The following PAXBP1 variants were observed in gnomAD, a reference collection of about 807,000 sequenced individuals.
The protein encoded by PAXBP1 is PAX3 and PAX7 binding protein 1, also known as PAX3- and PAX7-binding protein 1.
In PAXBP1, 44 loss-of-function variants were observed where a neutral mutation model predicts 119.9. The ratio of observed to expected loss-of-function variants is 0.37; its 90% CI spans 0.29 to 0.47. The LOEUF (loss-of-function observed/expected upper bound fraction) is 0.47. Among genes scored for constraint, PAXBP1 ranks in the 20% least tolerant of loss-of-function variants. The probability of loss-of-function intolerance (pLI) is 0.99; values close to 1 mark genes in which losing one functional copy is unlikely to be tolerated. For synonymous variants in PAXBP1, 393 were observed against 406.6 expected (o/e 0.97, Z 0.40); for missense variants, 898 against 1,134.1 (o/e 0.79, Z 2.99).
At chr21:32,763,508 A>G (rs1415478392) in intron 3 of PAXBP1, among the ~76,000 whole-genome samples, 2 of 152,232 alleles carry the variant, frequency 1.3e-5, no homozygotes, top group Non-Finnish European at 2.9e-5. Flanking sequence ...AGAATTTACT[A>G]CAACTTTCTC....
chr21:32,760,464 ATTAC>A (rs1569164852), intron 5 of PAXBP1, among the ~76,000 whole-genome samples: 2 of 152,212 alleles, frequency 1.3e-5, no homozygotes, highest in African/African-American at 4.8e-5. Flanking sequence ...TTCTCACTGT[ATTAC>A]TTACTTTTAT....
intron 1 of PAXBP1, among the ~76,000 whole-genome samples, chr21:32,770,434 C>T (rs1007816514): frequency 2.0e-5 from 3 of 152,220 alleles, no homozygotes; most frequent in East Asian, 1.9e-4. Flanking sequence ...AAAAAAATAG[C>T]TCATGTATCT....
chr21:32,735,442 G>A lies in PAXBP1; in HGVS notation c.2637-375C>T, dbSNP rs142505294. Among the ~76,000 whole-genome samples the A allele has an allele frequency of 6.8e-4, 103 of 152,228 alleles. No individual in the cohort carries two copies. In the East Asian group the frequency reaches 0.013, roughly 19 times the overall value. The stretch of plus-strand genomic sequence containing the variant: ...AAACCAGAGTCCTGGCTGTTTTAGC[G>A]TATACCTGGAACACAAATCGTTATT... On this transcript the variant is annotated intron_variant, in intron 17 of 17. Transcript: ENST00000331923.
intron 15 of PAXBP1, among the ~76,000 whole-genome samples, chr21:32,739,454 G>A (rs539270642): frequency 2.6e-5 from 4 of 152,232 alleles, no homozygotes; most frequent in South Asian, 2.1e-4. Flanking sequence ...TAAAAGGTGC[G>A]GGACAGTGCT....
chr21:32,747,947 ATT>A (rs757138549), intron 11 of PAXBP1, among the ~76,000 whole-genome samples: 29 of 140,192 alleles, frequency 2.1e-4, no homozygotes, highest in East Asian at 2.0e-4. Context: ...ACCACAGCTA[ATT>A]TTTTTTTTTT....
rs759262843 is a variant in PAXBP1, at chr21:32,771,317, G to A, written c.343+9C>T. 2.5e-6 allele frequency: 4 copies of A among 1,576,128 alleles called. No homozygotes were observed. Among genetic ancestry groups the A allele is most frequent in the Admixed American group, 1.7e-5 (1 of 58,504 alleles). On this transcript the variant is annotated intron_variant, in intron 1 of 17. Coordinates refer to ENST00000331923, the MANE Select transcript of PAXBP1 (RefSeq NM_016631.4). ...GGCCGTCTAAGGGCGTCCGAAGCGC[G>A]CACTTTACCTTCCTCCTCGTCCTGG...
In PAXBP1 at chr21:32,737,330, G is replaced by A; in HGVS notation, c.2560C>T (p.Arg854Ter). The change falls in exon 17 of 18, where the codon CGA becomes TGA. Residue 854 changes from arginine (R) to a stop codon, truncating the protein, a stop_gained. Coordinates refer to ENST00000331923, the MANE Select transcript of PAXBP1 (RefSeq NM_016631.4). LOFTEE classifies it high-confidence loss of function. ...GTATCCGCTAAGTGTACAAGGTATC[G>A]GCAAAAGTTTTCTAACTGAGAAATA... Reference protein sequence around the residue: ...RTISQLENFCRYLVHLADTIY... With the variant: ...RTISQLENFC 2 of 1,608,594 alleles carry A rather than the reference G, an allele frequency of 1.2e-6. No individual in the cohort carries two copies. The highest frequency in any genetic ancestry group is 1.1e-5 in the South Asian group (1 of 90,428).
intron 15 of PAXBP1, 43 bp from the exon 16 acceptor site, chr21:32,738,362 T>A: frequency 6.7e-7 from 1 of 1,500,592 alleles, no homozygotes. Flanking sequence ...ACAATTAGAT[T>A]AGGTACAAAG....
chr21:32,769,754 A>T, intron 2 of PAXBP1, 60 bp downstream of exon 2: 3 of 1,560,402 alleles, frequency 1.9e-6, no homozygotes, highest in Non-Finnish European at 2.6e-6. Context: ...ACAGCAAATC[A>T]CTGTGAGAAA....
Position 32,769,803 on chromosome 21 carries a change from T to C in PAXBP1, c.472+11A>G, listed in dbSNP as rs200267959. On this transcript the variant is annotated intron_variant, in intron 2 of 17. Coordinates refer to ENST00000331923, the MANE Select transcript of PAXBP1 (RefSeq NM_016631.4). ...GTCATTTCAAAAGAATTCAATTAGT[T>C]TGGTACTTACTTTCAGCTGATGAGT... 9 of 1,600,318 alleles carry C rather than the reference T, an allele frequency of 5.6e-6. No individual in the cohort carries two copies. Among genetic ancestry groups the C allele is most frequent in the Non-Finnish European group, 7.6e-6 (9 of 1,176,702 alleles).
In PAXBP1 at chr21:32,755,431, A is replaced by G. The variant is rs2044028806; in HGVS notation, c.1384-78T>C. 22 of 1,559,076 alleles carry G rather than the reference A, an allele frequency of 1.4e-5. No individual in the cohort carries two copies. In the East Asian group the frequency reaches 5.1e-4, roughly 36 times the overall value. ...TTTGAGGGTTCCATACTATTTCCGG[A>G]TTTCTGAAAAAGTACCCTCTCTATG... On this transcript the variant is annotated intron_variant, in intron 7 of 17. Coordinates refer to ENST00000331923, the MANE Select transcript of PAXBP1 (RefSeq NM_016631.4).
chr21:32,737,310 C>T lies in PAXBP1; in HGVS notation c.2580G>A (p.Ala860=), dbSNP rs751976064. 287 of 1,599,624 alleles carry T rather than the reference C, an allele frequency of 1.8e-4. 1 individual carries two copies. Among genetic ancestry groups the T allele is most frequent in the Non-Finnish European group, 2.3e-4 (273 of 1,172,542 alleles). The change falls in exon 17 of 18, where the codon GCG becomes GCA. Residue 860 remains alanine, a synonymous_variant. Transcript: ENST00000331923. The part of the protein sequence containing the change: ...ENFCRYLVHL[A]DTIYRNSIGC... Reference sequence around the variant, plus strand: ...CGATACTATTTCTATAAATTGTATCCGCTAAGTGTACAAGGTATCGGCAAA... The same window carrying T: ...CGATACTATTTCTATAAATTGTATCTGCTAAGTGTACAAGGTATCGGCAAA...
rs758373861 is a variant in PAXBP1, at chr21:32,771,559, C to T, written c.110G>A (p.Gly37Asp). Reference sequence around the variant, plus strand: ...ACCGGGGCCCGCCTCTTCGCCCGTGCCCGGCGGCGGCAACAACGGCGGCGG... The same window carrying T: ...ACCGGGGCCCGCCTCTTCGCCCGTGTCCGGCGGCGGCAACAACGGCGGCGG... ...QEPPPLLPPP[G>D]TGEEAGPGGG... Residue 37 changes from glycine to aspartate, a missense_variant, in exon 1 of 18, where the codon GGC becomes GAC. Gly to Asp is a moderately conservative substitution (Grantham distance 94). Around this residue, in one of 2 missense-constraint regions of PAXBP1, gnomAD observed 299 missense variants for 281.4 expected, o/e 1.06. Coordinates refer to ENST00000331923, the MANE Select transcript of PAXBP1 (RefSeq NM_016631.4). The T allele has an allele frequency of 1.7e-5, 24 of 1,420,938 alleles. No homozygotes were observed. The East Asian group carries it at 3.6e-4, about 22-fold the overall frequency. The allele number at this position is 1,420,938 out of a possible 1,614,324, so 88.0% of individuals were successfully genotyped here.
At chr21:32,757,912 G>A (rs1285047141) in intron 7 of PAXBP1, among the ~76,000 whole-genome samples, 1 of 152,152 alleles carries the variant, frequency 6.6e-6, no homozygotes, top group Non-Finnish European at 1.5e-5. Flanking sequence ...ATACAGACAA[G>A]CCTATACTTC....
rs144304571 is a variant in PAXBP1, at chr21:32,764,401, T to G, written c.596A>C (p.Lys199Thr). 2.7e-5 allele frequency: 43 copies of G among 1,613,762 alleles called. No individual in the cohort carries two copies. The African/African-American group carries it at 5.5e-4, about 21-fold the overall frequency. ...AGCATTTGAAAAAGCTCCACCAGTC[T>G]TTGGCTTTTCTTCCTCTTTTTCACT... ...MESEKEEEKP[K>T]TGGAFSNALS... is the part of the protein sequence containing the mutation. The change falls in exon 3 of 18, where the codon AAG becomes ACG. Residue 199 changes from lysine (K) to threonine (T), a missense_variant. Around this residue, in one of 2 missense-constraint regions of PAXBP1, gnomAD observed 299 missense variants for 281.4 expected, o/e 1.06. Coordinates refer to ENST00000331923, the MANE Select transcript of PAXBP1 (RefSeq NM_016631.4).
intron 5 of PAXBP1, 86 bp downstream of exon 5, chr21:32,760,973 G>C (rs1202477387): frequency 8.2e-6 from 8 of 980,272 alleles, no homozygotes; most frequent in Non-Finnish European, 1.2e-5. Flanking sequence ...GAATGACAAA[G>C]ATTCAATACG....
At chr21:32,760,394 T>C (rs2044119848) in intron 5 of PAXBP1, among the ~76,000 whole-genome samples, 1 of 152,214 alleles carries the variant, frequency 6.6e-6, no homozygotes, top group South Asian at 2.1e-4. Flanking sequence ...TTCACCCAAA[T>C]GTATGCGAAT....
chr21:32,759,718 T>G, intron 6 of PAXBP1, 59 bp downstream of exon 6: 1 of 1,417,610 alleles, frequency 7.1e-7, no homozygotes, highest in Non-Finnish European at 9.9e-7. Flanking sequence ...CCAGACTACA[T>G]GTTGCCTGAG....
chr21:32,740,948 T>TA (rs1569154473), intron 15 of PAXBP1, among the ~76,000 whole-genome samples: 1 of 152,050 alleles, frequency 6.6e-6, no homozygotes, highest in Admixed American at 6.6e-5. Flanking sequence ...CCAAAATACA[T>TA]AAACAAATTC....
Sources: allele counts gnomAD v4.1 joint callset (sites outside exome capture counted in the v4.1 genomes callset), GRCh38; gene constraint gnomAD v4.1.1; regional missense constraint gnomAD v4.1.1; transcripts MANE v1.5; gene names NCBI Gene and HGNC (gene_info 2026-07-23, HGNC 2026-07-21).